NKAIN3: variants seen among roughly 807,000 people sequenced by gnomAD.
The protein encoded by NKAIN3 is sodium/potassium-transporting ATPase subunit beta-1-interacting protein 3.
Under a neutral mutation model 30.2 loss-of-function variants are expected in NKAIN3, and 25 were observed. That is an observed-to-expected ratio of 0.83 (90% CI 0.60 to 1.16). NKAIN3 has a LOEUF of 1.16. Ranked by LOEUF, NKAIN3 falls within the 50% of genes most tolerant of loss-of-function variation. The pLI is 0.00. For missense variants in NKAIN3, 225 were observed against 254.1 expected (o/e 0.89, Z 0.78); for synonymous variants, 91 against 89.6 (o/e 1.02, Z -0.09).
intron 5 of NKAIN3, among the ~76,000 whole-genome samples, chr8:62,921,968 C>A (rs1188134661): frequency 6.6e-6 from 1 of 152,158 alleles, no homozygotes; most frequent in Non-Finnish European, 1.5e-5. Context: ...ACTACTTCTT[C>A]TGATATTAGG....
chr8:62,707,052 TACATAC>T (rs931560517), intron 3 of NKAIN3, among the ~76,000 whole-genome samples: 58 of 99,256 alleles, frequency 5.8e-4, no homozygotes, highest in African/African-American at 1.5e-3. Flanking sequence ...CCATCATACA[TACATAC>T]ACACACACAC....
chr8:62,545,415 A>T (rs1475666531), intron 1 of NKAIN3, among the ~76,000 whole-genome samples: 3 of 152,104 alleles, frequency 2.0e-5, no homozygotes, highest in Middle Eastern at 3.4e-3. Flanking sequence ...GCAAAACCTC[A>T]TCTCTACTAA....
chr8:62,401,047 TTTAAGGCCAAGAA>T (rs1803851269), intron 1 of NKAIN3, among the ~76,000 whole-genome samples: 1 of 82,564 alleles, frequency 1.2e-5, no homozygotes, highest in Non-Finnish European at 3.4e-5. Flanking sequence ...CTACATCCTC[TTTAAGGCCAAGAA>T]CTCTTAGATT....
chr8:62,289,326 G>A (rs561644715), intron 1 of NKAIN3, among the ~76,000 whole-genome samples: 1 of 152,318 alleles, frequency 6.6e-6, no homozygotes, highest in East Asian at 1.9e-4. Flanking sequence ...CCATGCCTAT[G>A]TCCTGAATGG....
At chr8:62,417,722 A>G (rs1235472779) in intron 1 of NKAIN3, among the ~76,000 whole-genome samples, 5 of 152,194 alleles carry the variant, frequency 3.3e-5, no homozygotes, top group Admixed American at 6.5e-5. Flanking sequence ...TTGACGATCA[A>G]TGATGCTGAG....
intron 5 of NKAIN3, among the ~76,000 whole-genome samples, chr8:62,923,481 A>G (rs914796295): frequency 1.3e-5 from 2 of 152,226 alleles, no homozygotes; most frequent in Non-Finnish European, 2.9e-5. Flanking sequence ...TGTCCGATGC[A>G]CTTGCAAATG....
intron 3 of NKAIN3, among the ~76,000 whole-genome samples, chr8:62,605,001 T>C (rs898054430): frequency 1.2e-4 from 19 of 152,070 alleles, no homozygotes; most frequent in African/African-American, 4.6e-4. Context: ...TTTGTCTCTG[T>C]AGGTGTAGGT....
At chr8:62,883,546 T>C (rs888251003) in intron 4 of NKAIN3, among the ~76,000 whole-genome samples, 1 of 148,514 alleles carries the variant, frequency 6.7e-6, no homozygotes, top group Non-Finnish European at 1.5e-5. Context: ...TAATACCTCT[T>C]ATTTATTTTT....
intron 4 of NKAIN3, among the ~76,000 whole-genome samples, chr8:62,895,164 T>A (rs1199663844): frequency 6.6e-6 from 1 of 152,224 alleles, no homozygotes; most frequent in African/African-American, 2.4e-5. Flanking sequence ...TACACGTATA[T>A]GTATTCTCTT....
intron 1 of NKAIN3, among the ~76,000 whole-genome samples, chr8:62,407,901 G>A (rs932504286): frequency 5.3e-5 from 8 of 152,138 alleles, no homozygotes; most frequent in East Asian, 1.9e-4. Flanking sequence ...GTGGTGGCAC[G>A]TGTCCCTAAT....
At chr8:62,829,418 G>A (rs1051591061) in intron 4 of NKAIN3, among the ~76,000 whole-genome samples, 26 of 152,076 alleles carry the variant, frequency 1.7e-4, no homozygotes, top group African/African-American at 6.0e-4. Flanking sequence ...GATGTCACAC[G>A]TCACTACCAC....
chr8:62,677,556 C>T (rs1283446023), intron 3 of NKAIN3, among the ~76,000 whole-genome samples: 1 of 152,182 alleles, frequency 6.6e-6, no homozygotes, highest in Non-Finnish European at 1.5e-5. Flanking sequence ...CTGTAGTCCC[C>T]TGTGTCCTCA....
At chr8:62,756,567 A>G (rs1169602809) in intron 4 of NKAIN3, among the ~76,000 whole-genome samples, 7 of 152,078 alleles carry the variant, frequency 4.6e-5, no homozygotes, top group African/African-American at 7.2e-5. Flanking sequence ...TAGGCAATCC[A>G]CTGTATATTT....
chr8:62,874,186 A>G (rs12114855), intron 4 of NKAIN3, among the ~76,000 whole-genome samples: 43,634 of 151,972 alleles, frequency 0.29, 6,554 homozygotes, highest in African/African-American at 0.35. Flanking sequence ...AACTACCATC[A>G]GATAATATTA....
intron 1 of NKAIN3, among the ~76,000 whole-genome samples, chr8:62,541,040 TG>T (rs1563448222): frequency 1.6e-4 from 25 of 152,290 alleles, no homozygotes; most frequent in Admixed American, 1.4e-3. Flanking sequence ...CCAGGCTCAG[TG>T]GCTAATGCTT....
At chr8:62,996,446 G>A (rs1804116639) in intron 5 of NKAIN3, among the ~76,000 whole-genome samples, 1 of 152,074 alleles carries the variant, frequency 6.6e-6, no homozygotes, top group Non-Finnish European at 1.5e-5. Context: ...AGATTTAGGT[G>A]GGGACACAGC....
intron 1 of NKAIN3, among the ~76,000 whole-genome samples, chr8:62,389,817 A>C (rs1328759104): frequency 6.6e-6 from 1 of 152,146 alleles, no homozygotes; most frequent in Non-Finnish European, 1.5e-5. Context: ...AGGGCTCAGT[A>C]GCAGTAGTGC....
chr8:62,970,876 C>A lies in NKAIN3; in HGVS notation c.*5469C>A, dbSNP rs1411455956. On this transcript the variant is annotated 3_prime_UTR_variant, in exon 7 of 7. Transcript: ENST00000623646. Reference sequence around the variant, plus strand: ...AAAGAAACCAATAATCTATCCATTTCTTCTCATAGAATTTGCTTTGGCAGA... The same window carrying A: ...AAAGAAACCAATAATCTATCCATTTATTCTCATAGAATTTGCTTTGGCAGA... Among the ~76,000 whole-genome samples, 1 of 152,170 alleles carries A rather than the reference C, an allele frequency of 6.6e-6. No homozygotes were observed. Among genetic ancestry groups the A allele is most frequent in the Non-Finnish European group, 1.5e-5 (1 of 68,022 alleles).
At chr8:62,796,507 G>C (rs1817866934) in intron 4 of NKAIN3, among the ~76,000 whole-genome samples, 1 of 150,558 alleles carries the variant, frequency 6.6e-6, no homozygotes, top group Non-Finnish European at 1.5e-5. Flanking sequence ...ATGCACACAT[G>C]ATGCTCGACA....
Sources: gnomAD v4.1 joint callset for allele counts (sites outside exome capture counted in the v4.1 genomes callset) on GRCh38, gnomAD v4.1.1 for gene constraint, MANE v1.5 for transcripts, NCBI Gene and HGNC (gene_info 2026-07-23, HGNC 2026-07-21) for gene names.